The following GDAP1 variants were observed in gnomAD, a reference collection of about 807,000 sequenced individuals.
The protein encoded by GDAP1 is ganglioside-induced differentiation-associated protein 1.
A neutral mutation model predicts 40.1 loss-of-function variants in GDAP1; 34 were observed. The observed-to-expected ratio is 0.85, with a 90% CI of 0.64 to 1.13. The LOEUF (loss-of-function observed/expected upper bound fraction) is 1.13, where lower values mean the gene tolerates loss of function less well. GDAP1 is among the 50% of genes most tolerant of loss of function. The pLI is 0.00. For synonymous variants in GDAP1, 170 were observed against 157.4 expected, an observed-to-expected ratio of 1.08 and a Z score of -0.60; for missense variants, 374 against 433.7, an observed-to-expected ratio of 0.86 and a Z score of 1.22.
chr8:74,442,543 C>T (rs1290569398), intron 2 of GDAP1, among the ~76,000 whole-genome samples: 1 of 152,078 alleles, frequency 6.6e-6, no homozygotes, highest in African/African-American at 2.4e-5. Flanking sequence ...TATAAGCCTC[C>T]AATATGTCTA....
intron 2 of GDAP1, among the ~76,000 whole-genome samples, chr8:74,402,173 C>T (rs1228058655): frequency 1.3e-5 from 2 of 150,516 alleles, no homozygotes; most frequent in Non-Finnish European, 2.9e-5. Context: ...CCTACAGAGG[C>T]AGGCAGGCCT....
downstream of GDAP1, among the ~76,000 whole-genome samples, chr8:74,368,032 A>G (rs1415524093): frequency 6.6e-6 from 1 of 152,194 alleles, no homozygotes; most frequent in African/African-American, 2.4e-5. Flanking sequence ...TTACCTTGTC[A>G]TAAAACTCCT....
intron 3 of GDAP1, among the ~76,000 whole-genome samples, chr8:74,360,883 A>G (rs568623760): frequency 6.6e-6 from 1 of 152,302 alleles, no homozygotes; most frequent in South Asian, 2.1e-4. Flanking sequence ...ATAATTGGAG[A>G]TAAGAAGGGA....
chr8:74,354,597 G>GA (rs1364992793), intron 2 of GDAP1, among the ~76,000 whole-genome samples: 1 of 152,154 alleles, frequency 6.6e-6, no homozygotes, highest in African/African-American at 2.4e-5. Context: ...TGGCTATGAG[G>GA]AAAATAGGCA....
At chr8:74,368,219 A>G (rs924320825), downstream of GDAP1, among the ~76,000 whole-genome samples, 5 of 152,236 alleles carry the variant, frequency 3.3e-5, no homozygotes, top group Non-Finnish European at 5.9e-5. Context: ...ATATCCATAT[A>G]TGTAAATTAA....
chr8:74,388,152 G>C (rs1172208041), intron 2 of GDAP1, among the ~76,000 whole-genome samples: 1 of 151,864 alleles, frequency 6.6e-6, no homozygotes, highest in Non-Finnish European at 1.5e-5. Flanking sequence ...TTCTTTGAAG[G>C]GTTTTTCGTG....
At chr8:74,369,690 A>T (rs1369267684), downstream of GDAP1, among the ~76,000 whole-genome samples, 2 of 152,124 alleles carry the variant, frequency 1.3e-5, no homozygotes, top group Admixed American at 6.5e-5. Context: ...TGATGAAAAA[A>T]CATTTACTTA....
chr8:74,416,675 A>T (rs1805783073), intron 2 of GDAP1, among the ~76,000 whole-genome samples: 1 of 149,934 alleles, frequency 6.7e-6, no homozygotes, highest in South Asian at 2.1e-4. Context: ...ACTTGAGGAC[A>T]GGTCACATCA....
At chr8:74,367,437 C>T (rs1020586898), downstream of GDAP1, among the ~76,000 whole-genome samples, 2 of 151,912 alleles carry the variant, frequency 1.3e-5, no homozygotes, top group African/African-American at 4.8e-5. Context: ...CATTGTTTTC[C>T]TTGAATTTAC....
At position 74,364,578 on chromosome 8, in the gene GDAP1, A is replaced by G; in HGVS notation, c.*211A>G. On this transcript the variant is annotated 3_prime_UTR_variant, in exon 6 of 6. Coordinates refer to ENST00000220822, the MANE Select transcript of GDAP1 (RefSeq NM_018972.4). The stretch of plus-strand genomic sequence containing the variant: ...ACTGCCAGCTCCAGGCAGAAATAGG[A>G]AGGCAAAGAGATAAGAGAAGGAAAA... 1 of 681,750 alleles carries G rather than the reference A, an allele frequency of 1.5e-6. No homozygotes were observed. Among genetic ancestry groups the G allele is most frequent in the East Asian group, 2.8e-5 (1 of 35,620 alleles). 42.2% of individuals were successfully genotyped at this position (681,750 alleles called of 1,614,324 possible). A position where few individuals can be genotyped will look rare whatever the true frequency, so the allele number is the denominator to read the frequency against.
intron 2 of GDAP1, among the ~76,000 whole-genome samples, chr8:74,396,763 C>T (rs930108149): frequency 6.6e-6 from 1 of 152,134 alleles, no homozygotes; most frequent in African/African-American, 2.4e-5. Flanking sequence ...CATTGTTGGA[C>T]ATTTGGGTTG....
intron 2 of GDAP1, among the ~76,000 whole-genome samples, chr8:74,440,767 A>G (rs771219349): frequency 9.2e-5 from 14 of 152,166 alleles, no homozygotes; most frequent in South Asian, 6.2e-4. Flanking sequence ...ATTTTGACCT[A>G]AAACAGCATC....
At chr8:74,351,645 G>T (rs1484049870) in intron 2 of GDAP1, among the ~76,000 whole-genome samples, 179 bp downstream of exon 2, 3 of 152,050 alleles carry the variant, frequency 2.0e-5, no homozygotes, top group Non-Finnish European at 4.4e-5. Flanking sequence ...AACAAATTTT[G>T]TATAGGCTAG....
At chr8:74,413,062 T>C (rs111999283) in intron 2 of GDAP1, among the ~76,000 whole-genome samples, 439 of 2,136 alleles carry the variant, frequency 0.21, 12 homozygotes, top group African/African-American at 0.43. Context: ...CGAGACTCTG[T>C]CTCAAAAAAA....
At position 74,397,073 on chromosome 8, in the gene GDAP1, T is replaced by C. The variant is rs902419113; in HGVS notation, c.165+45752T>C. Among the ~76,000 whole-genome samples the C allele has an allele frequency of 9.2e-4, 140 of 152,312 alleles. 2 individuals are homozygous for C. Among genetic ancestry groups the C allele is most frequent in the Middle Eastern group, 3.4e-3 (1 of 294 alleles). On this transcript the variant is annotated intron_variant, in intron 2 of 2. Transcript: ENST00000523640. ...CTAACTGGTGTGAGATGGTATCTCA[T>C]TGTGGTTTTGATTTGCATTTCTCTG...
intron 2 of GDAP1, among the ~76,000 whole-genome samples, chr8:74,411,085 C>G (rs189671319): frequency 6.7e-6 from 1 of 150,064 alleles, no homozygotes; most frequent in Non-Finnish European, 1.5e-5. Flanking sequence ...CTCCTTCACT[C>G]TCTCTTTCCT....
intron 2 of GDAP1, among the ~76,000 whole-genome samples, chr8:74,380,863 A>C (rs922061701): frequency 5.3e-5 from 8 of 152,200 alleles, no homozygotes; most frequent in African/African-American, 1.9e-4. Context: ...CCAGTGCTTA[A>C]AAATGCTCAT....
intron 2 of GDAP1, among the ~76,000 whole-genome samples, chr8:74,444,015 T>TATCTATC (rs1806196594): frequency 8.1e-6 from 1 of 124,210 alleles, no homozygotes; most frequent in Non-Finnish European, 1.8e-5. Context: ...TCTATCTATC[T>TATCTATC]ATCTATCTAT....
chr8:74,386,848 C>G (rs1199788886), intron 2 of GDAP1, among the ~76,000 whole-genome samples: 1 of 152,164 alleles, frequency 6.6e-6, no homozygotes, highest in East Asian at 1.9e-4. Flanking sequence ...TTTGTGTCCT[C>G]TCTTATTTCC....
Sources: allele counts gnomAD v4.1 joint callset (sites outside exome capture counted in the v4.1 genomes callset), GRCh38; gene constraint gnomAD v4.1.1; transcripts MANE v1.5; gene names NCBI Gene and HGNC (gene_info 2026-07-23, HGNC 2026-07-21).